IFTAP: variants seen among roughly 807,000 people sequenced by gnomAD.
IFTAP encodes intraflagellar transport associated protein.
A neutral mutation model predicts 19.4 loss-of-function variants in IFTAP; 19 were observed. That is an observed-to-expected ratio of 0.98 (90% CI 0.68 to 1.44). The LOEUF is 1.44. Among genes scored for constraint, IFTAP ranks in the 40% most tolerant of loss-of-function variants. IFTAP has a pLI of 0.00. For missense variants in IFTAP, 240 were observed against 253.6 expected, an observed-to-expected ratio of 0.95 and a Z score of 0.36; for synonymous variants, 85 against 83.5, an observed-to-expected ratio of 1.02 and a Z score of -0.10.
intron 4 of IFTAP, among the ~76,000 whole-genome samples, chr11:36,646,200 G>T (rs1043777168): frequency 6.6e-6 from 1 of 152,196 alleles, no homozygotes; most frequent in African/African-American, 2.4e-5. Context: ...AATACTGTCA[G>T]CCAGAATGAT....
chr11:36,641,496 A>G (rs1326592792), intron 4 of IFTAP, among the ~76,000 whole-genome samples: 2 of 152,212 alleles, frequency 1.3e-5, no homozygotes, highest in African/African-American at 2.4e-5. Context: ...TTGGTTTCAA[A>G]GAATATCTTT....
intron 4 of IFTAP, among the ~76,000 whole-genome samples, chr11:36,638,802 T>G (rs532926211): frequency 5.9e-5 from 9 of 152,260 alleles, no homozygotes; most frequent in Non-Finnish European, 1.2e-4. Context: ...TTTCTACCAT[T>G]GACTTTATTT....
chr11:36,621,589 T>C (rs1380620969), intron 2 of IFTAP, among the ~76,000 whole-genome samples: 1 of 151,978 alleles, frequency 6.6e-6, no homozygotes, highest in Non-Finnish European at 1.5e-5. Flanking sequence ...GTTTAGAAGA[T>C]TGGGGTTGTA....
chr11:36,622,875 A>G (rs932905303), intron 2 of IFTAP, among the ~76,000 whole-genome samples: 4 of 152,172 alleles, frequency 2.6e-5, no homozygotes, highest in African/African-American at 7.2e-5. Context: ...CCAACTATGT[A>G]TAGTACATAT....
intron 4 of IFTAP, among the ~76,000 whole-genome samples, chr11:36,645,879 G>C (rs1468010093): frequency 6.6e-6 from 1 of 152,110 alleles, no homozygotes; most frequent in Non-Finnish European, 1.5e-5. Context: ...ACTTGCTGTT[G>C]AGTTTAAAAG....
chr11:36,644,993 T>TATAATA (rs149070033), intron 4 of IFTAP, among the ~76,000 whole-genome samples: 112 of 150,326 alleles, frequency 7.5e-4, no homozygotes, highest in East Asian at 3.1e-3. Flanking sequence ...GAATTTAAAG[T>TATAATA]ATAATAATAA....
chr11:36,601,412 A>T (rs1166723915), intron 1 of IFTAP, among the ~76,000 whole-genome samples: 1 of 152,190 alleles, frequency 6.6e-6, no homozygotes, highest in East Asian at 1.9e-4. Flanking sequence ...GTGACTTGAC[A>T]TTTTTTATTT....
intron 5 of IFTAP, among the ~76,000 whole-genome samples, chr11:36,656,952 C>T (rs1854018168): frequency 6.6e-6 from 1 of 152,018 alleles, no homozygotes; most frequent in Admixed American, 6.6e-5. Flanking sequence ...GACAAAGTGA[C>T]TGCATCTAGT....
intron 1 of IFTAP, among the ~76,000 whole-genome samples, chr11:36,596,124 C>T (rs370088721): frequency 6.6e-6 from 1 of 151,334 alleles, no homozygotes; most frequent in East Asian, 1.9e-4. Flanking sequence ...TTAATTGATA[C>T]TATAATTTAT....
At chr11:36,633,184 A>G (rs1852795250) in intron 2 of IFTAP, 100 bp from the exon 3 acceptor site, 3 of 1,163,432 alleles carry the variant, frequency 2.6e-6, no homozygotes, top group South Asian at 2.2e-5. Context: ...TTCTTTGAAA[A>G]GTATTCTTTT....
At chr11:36,619,558 A>G (rs549522663) in intron 2 of IFTAP, among the ~76,000 whole-genome samples, 6 of 152,166 alleles carry the variant, frequency 3.9e-5, no homozygotes, top group African/African-American at 1.4e-4. Flanking sequence ...AGAAAACACA[A>G]CAAGAAAAAT....
intron 5 of IFTAP, among the ~76,000 whole-genome samples, chr11:36,652,838 A>G (rs1181050358): frequency 6.6e-6 from 1 of 152,104 alleles, no homozygotes; most frequent in Non-Finnish European, 1.5e-5. Context: ...TTCTACACAC[A>G]TACATAATTG....
intron 4 of IFTAP, among the ~76,000 whole-genome samples, chr11:36,646,501 G>GA (rs542347774): frequency 1.3e-3 from 204 of 152,280 alleles, no homozygotes; most frequent in South Asian, 0.011. Flanking sequence ...CTCTGGGTGT[G>GA]AAATGTTTGG....
At chr11:36,653,270 A>G (rs570124314) in intron 5 of IFTAP, among the ~76,000 whole-genome samples, 2 of 152,270 alleles carry the variant, frequency 1.3e-5, no homozygotes, top group African/African-American at 4.8e-5. Context: ...AAGTCACATG[A>G]GAAATTTTAA....
At chr11:36,643,150 A>T (rs1853307187) in intron 4 of IFTAP, among the ~76,000 whole-genome samples, 1 of 151,858 alleles carries the variant, frequency 6.6e-6, no homozygotes, top group Non-Finnish European at 1.5e-5. Context: ...GATAACAGCA[A>T]AGTCTCAGGA....
chr11:36,648,328 T>A, intron 5 of IFTAP, 173 bp downstream of exon 5: 1 of 772,332 alleles, frequency 1.3e-6, no homozygotes, highest in Non-Finnish European at 2.0e-6. Flanking sequence ...CATTTCTTTT[T>A]AAACACATAG....
intron 2 of IFTAP, among the ~76,000 whole-genome samples, chr11:36,619,333 G>C (rs1194385305): frequency 6.6e-6 from 1 of 151,906 alleles, no homozygotes; most frequent in Non-Finnish European, 1.5e-5. Context: ...GTATCATCTT[G>C]GTCCCCAAAG....
At chr11:36,598,491 C>T (rs1008488004) in intron 1 of IFTAP, among the ~76,000 whole-genome samples, 4 of 152,172 alleles carry the variant, frequency 2.6e-5, no homozygotes, top group African/African-American at 9.7e-5. Flanking sequence ...CATATAGTTT[C>T]TATGGTTTAA....
chr11:36,653,509 T>C (rs1182191597), intron 5 of IFTAP, among the ~76,000 whole-genome samples: 2 of 152,194 alleles, frequency 1.3e-5, no homozygotes, highest in African/African-American at 4.8e-5. Flanking sequence ...TTTCAGTTTG[T>C]AATCTAAAAA....
Sources: gnomAD v4.1 joint callset for allele counts (sites outside exome capture counted in the v4.1 genomes callset) on GRCh38, gnomAD v4.1.1 for gene constraint, MANE v1.5 for transcripts, NCBI Gene and HGNC (gene_info 2026-07-23, HGNC 2026-07-21) for gene names.